The following ARNT2 variants were observed in gnomAD, a reference collection of about 807,000 sequenced individuals.
ARNT2 encodes ARNT protein 2.
ARNT2 carries 36 observed loss-of-function variants against 91.7 expected under a neutral mutation model. That is an observed-to-expected ratio of 0.39 (90% CI 0.30 to 0.52). ARNT2 has a LOEUF of 0.52. Among genes scored for constraint, ARNT2 ranks in the 20% least tolerant of loss-of-function variants. The pLI is 0.72. For missense variants in ARNT2, 775 were observed against 939.3 expected (o/e 0.83, Z 2.29); for synonymous variants, 365 against 347.1 (o/e 1.05, Z -0.57).
At chr15:80,538,434 C>G (rs920981718) in intron 8 of ARNT2, among the ~76,000 whole-genome samples, 17 of 152,142 alleles carry the variant, frequency 1.1e-4, no homozygotes, top group Admixed American at 7.2e-4. Flanking sequence ...TCTAAAAATT[C>G]ATAACAAAAA....
At chr15:80,407,208 A>G (rs964589860) in intron 1 of ARNT2, among the ~76,000 whole-genome samples, 1 of 152,216 alleles carries the variant, frequency 6.6e-6, no homozygotes, top group Non-Finnish European at 1.5e-5. Flanking sequence ...CAAAGGCCAC[A>G]GCCAGTCACC....
intron 3 of ARNT2, among the ~76,000 whole-genome samples, chr15:80,467,726 A>G (rs1359331079): frequency 6.6e-6 from 1 of 152,094 alleles, no homozygotes; most frequent in Non-Finnish European, 1.5e-5. Context: ...GCCTTGATGA[A>G]GTGTAGGCTG....
chr15:80,452,604 G>A (rs766130673), intron 2 of ARNT2, among the ~76,000 whole-genome samples: 14 of 152,186 alleles, frequency 9.2e-5, no homozygotes, highest in Non-Finnish European at 1.9e-4. Flanking sequence ...CATTCCCTGA[G>A]GACAGAGCCC....
intron 1 of ARNT2, among the ~76,000 whole-genome samples, chr15:80,408,265 G>A (rs1895630348): frequency 6.6e-6 from 1 of 152,194 alleles, no homozygotes; most frequent in African/African-American, 2.4e-5. Context: ...AGATGAGGGA[G>A]AATATTTCTT....
intron 1 of ARNT2, among the ~76,000 whole-genome samples, chr15:80,413,255 C>A (rs1483866024): frequency 6.6e-6 from 1 of 152,198 alleles, no homozygotes. Flanking sequence ...TCTCCCTCCA[C>A]CCCCTCCCTT....
rs142732700 is a variant in ARNT2, at chr15:80,596,708, C to T, written c.*3010C>T. 175 of 157,302 alleles carry T rather than the reference C, an allele frequency of 1.1e-3. No individual in the cohort carries two copies. Among genetic ancestry groups the T allele is most frequent in the African/African-American group, 3.8e-3 (158 of 41,650 alleles). The allele number at this position is 157,302 out of a possible 1,614,324, so 9.7% of individuals were successfully genotyped here. A position where few individuals can be genotyped will look rare whatever the true frequency, so the allele number is the denominator to read the frequency against. On this transcript the variant is annotated 3_prime_UTR_variant, in exon 19 of 19. Coordinates refer to ENST00000303329, the MANE Select transcript of ARNT2 (RefSeq NM_014862.4). ...TGTTTGACTCTGTGACTCACTTCCTCGCTCACACCTTGTTTGAACTACTGG... is the reference window on the plus strand; with the variant it reads ...TGTTTGACTCTGTGACTCACTTCCTTGCTCACACCTTGTTTGAACTACTGG...
At chr15:80,511,111 G>T (rs909130596) in intron 6 of ARNT2, among the ~76,000 whole-genome samples, 1 of 152,024 alleles carries the variant, frequency 6.6e-6, no homozygotes, top group African/African-American at 2.4e-5. Flanking sequence ...CAATAGCAAA[G>T]ACATGGAATC....
At chr15:80,444,355 G>GGTGTGTGT (rs59533738) in intron 1 of ARNT2, 229 of 150,580 alleles carry the variant, frequency 1.5e-3, no homozygotes, top group African/African-American at 5.1e-3. Context: ...GTGTGTACGT[G>GGTGTGTGT]GTGTGTGTGT....
At chr15:80,422,284 A>G (rs951327462) in intron 1 of ARNT2, among the ~76,000 whole-genome samples, 5 of 152,240 alleles carry the variant, frequency 3.3e-5, no homozygotes, top group Admixed American at 1.3e-4. Context: ...AGATGTAGGG[A>G]AAATAGAAAA....
intron 1 of ARNT2, among the ~76,000 whole-genome samples, chr15:80,412,091 G>A (rs1191622209): frequency 6.6e-6 from 1 of 152,236 alleles, no homozygotes; most frequent in Non-Finnish European, 1.5e-5. Context: ...CCCTCTGATT[G>A]AATAGTGCAG....
In ARNT2 at chr15:80,557,896, C is replaced by T. The variant is rs886271780; in HGVS notation, c.1164+2757C>T. On this transcript the variant is annotated intron_variant, in intron 11 of 18. Coordinates refer to ENST00000303329, the MANE Select transcript of ARNT2 (RefSeq NM_014862.4). ...GGAAGACATAAATTAGGTTTTGCCACGTCTTTACTTAAAACATGCCAACAG... is the reference window on the plus strand; with the variant it reads ...GGAAGACATAAATTAGGTTTTGCCATGTCTTTACTTAAAACATGCCAACAG... Among the ~76,000 whole-genome samples the T allele has an allele frequency of 3.9e-5, 6 of 152,324 alleles. No homozygotes were observed. The South Asian group carries it at 6.2e-4, about 16-fold the overall frequency.
intron 8 of ARNT2, among the ~76,000 whole-genome samples, chr15:80,533,617 AT>A (rs1418624337): frequency 1.3e-5 from 2 of 152,326 alleles, no homozygotes; most frequent in African/African-American, 4.8e-5. Context: ...CCAATGAAGC[AT>A]GTCATGGTTT....
At chr15:80,411,801 A>G (rs937440994) in intron 1 of ARNT2, among the ~76,000 whole-genome samples, 12 of 152,208 alleles carry the variant, frequency 7.9e-5, no homozygotes, top group African/African-American at 2.7e-4. Context: ...GATACCTTGG[A>G]CACACAAAGC....
chr15:80,472,897 G>A (rs1896751161), intron 4 of ARNT2, among the ~76,000 whole-genome samples: 2 of 152,158 alleles, frequency 1.3e-5, no homozygotes, highest in Non-Finnish European at 1.5e-5. Flanking sequence ...AAGACCTACA[G>A]AGTCAAGGTT....
intron 1 of ARNT2, 139 bp from the exon 2 acceptor site, chr15:80,450,741 A>G: frequency 1.2e-6 from 1 of 805,842 alleles, no homozygotes; most frequent in Non-Finnish European, 2.1e-6. Flanking sequence ...CACATAGCTG[A>G]TGATGGCAGA....
At chr15:80,437,922 T>TACACAC (rs58142108) in intron 1 of ARNT2, among the ~76,000 whole-genome samples, 15,085 of 141,498 alleles carry the variant, frequency 0.11, 890 homozygotes, top group African/African-American at 0.16. Flanking sequence ...TGTATTTACC[T>TACACAC]ACACACACAC....
At chr15:80,442,008 A>G (rs1896199103) in intron 1 of ARNT2, among the ~76,000 whole-genome samples, 1 of 152,202 alleles carries the variant, frequency 6.6e-6, no homozygotes, top group African/African-American at 2.4e-5. Context: ...ATTTCTGTCT[A>G]TTTGTGCATT....
chr15:80,475,559 CAAAA>C (rs35720455), intron 5 of ARNT2: 36 of 91,212 alleles, frequency 3.9e-4, no homozygotes, highest in South Asian at 7.6e-4. Context: ...GACTCTGTCT[CAAAA>C]AAAAAAAAAA....
intron 1 of ARNT2, among the ~76,000 whole-genome samples, chr15:80,413,484 C>T (rs997249147): frequency 6.6e-6 from 1 of 152,160 alleles, no homozygotes; most frequent in Non-Finnish European, 1.5e-5. Context: ...TTAGGCAGGC[C>T]ATGGTGGTTA....
Sources: allele counts gnomAD v4.1 joint callset (sites outside exome capture counted in the v4.1 genomes callset), GRCh38; gene constraint gnomAD v4.1.1; transcripts MANE v1.5; gene names NCBI Gene and HGNC (gene_info 2026-07-23, HGNC 2026-07-21).